PPP1R37: variants seen among roughly 807,000 people sequenced by gnomAD.
PPP1R37 encodes leucine rich repeat containing 68.
Under a neutral mutation model 61.0 loss-of-function variants are expected in PPP1R37, and 21 were observed. The ratio of observed to expected loss-of-function variants is 0.34; its 90% confidence interval spans 0.24 to 0.50. PPP1R37 has a LOEUF of 0.50. PPP1R37 is among the 20% of genes least tolerant of loss of function. The pLI, the probability that PPP1R37 is intolerant of heterozygous loss-of-function variation, is 0.98. For missense variants in PPP1R37, 910 were observed against 952.7 expected, an observed-to-expected ratio of 0.96 and a Z score of 0.59; for synonymous variants, 443 against 433.5, an observed-to-expected ratio of 1.02 and a Z score of -0.27.
At chr19:45,113,917 G>A (rs1165519387) in intron 1 of PPP1R37, among the ~76,000 whole-genome samples, 2 of 152,200 alleles carry the variant, frequency 1.3e-5, no homozygotes, top group Non-Finnish European at 2.9e-5. Flanking sequence ...CAGCAGGTGG[G>A]GTGGTGACTG....
intron 2 of PPP1R37, among the ~76,000 whole-genome samples, chr19:45,139,829 C>T (rs1311021900): frequency 6.6e-6 from 1 of 152,240 alleles, no homozygotes; most frequent in Non-Finnish European, 1.5e-5. Context: ...GGTGCTGGGC[C>T]CCAGGCCCTG....
intron 1 of PPP1R37, among the ~76,000 whole-genome samples, chr19:45,117,887 G>A (rs1968290954): frequency 6.6e-6 from 1 of 152,198 alleles, no homozygotes; most frequent in South Asian, 2.1e-4. Context: ...CAGCTGATGA[G>A]CCCGAGGCTG....
At chr19:45,104,391 G>C (rs1475049101) in intron 1 of PPP1R37, among the ~76,000 whole-genome samples, 1 of 152,182 alleles carries the variant, frequency 6.6e-6, no homozygotes, top group Non-Finnish European at 1.5e-5. Context: ...ACCCAGGCCG[G>C]GTGCCGCAAA....
In PPP1R37 at chr19:45,145,976, G is replaced by C. The variant is rs1305340687; in HGVS notation, c.1920G>C (p.Glu640Asp). 2 of 1,534,530 alleles carry C rather than the reference G, an allele frequency of 1.3e-6. No homozygotes were observed. Among genetic ancestry groups the C allele is most frequent in the Non-Finnish European group, 1.7e-6 (2 of 1,146,336 alleles). ...CACTGCCCAACGGCCTGAAGCCCGAGTTCGCCCTGGCACTGCCCCCTGAGC... is the reference window on the plus strand; with the variant it reads ...CACTGCCCAACGGCCTGAAGCCCGACTTCGCCCTGGCACTGCCCCCTGAGC... ...GPPLPNGLKP[E>D]FALALPPEPP... Residue 640 changes from glutamate (E) to aspartate (D), a missense_variant, in exon 11 of 13, where the codon GAG (glutamate) becomes GAC (aspartate). By Grantham distance (45) the Glu-to-Asp change is conservative. Coordinates refer to ENST00000221462, the MANE Select transcript of PPP1R37 (RefSeq NM_019121.2).
At chr19:45,095,365 G>T (rs1967979051) in intron 1 of PPP1R37, among the ~76,000 whole-genome samples, 1 of 148,694 alleles carries the variant, frequency 6.7e-6, no homozygotes, top group Admixed American at 6.6e-5. Context: ...TCGAACTCCC[G>T]ACCTCAGGTG....
intron 1 of PPP1R37, among the ~76,000 whole-genome samples, chr19:45,100,858 C>T (rs1038904022): frequency 6.6e-5 from 10 of 152,146 alleles, no homozygotes; most frequent in African/African-American, 2.4e-4. Flanking sequence ...TTGTGCTGCT[C>T]CTCTGTCCTC....
intron 11 of PPP1R37, 102 bp from the exon 12 acceptor site, chr19:45,146,288 G>A (rs1968699085): frequency 8.9e-7 from 1 of 1,120,350 alleles, no homozygotes; most frequent in African/African-American, 1.5e-5. Context: ...AGCGGTCTCT[G>A]GGCACTCTGC....
chr19:45,111,701 C>T (rs549344008), intron 1 of PPP1R37, among the ~76,000 whole-genome samples: 1 of 151,922 alleles, frequency 6.6e-6, no homozygotes, highest in East Asian at 1.9e-4. Context: ...TAACTCACCT[C>T]TGCCTGTGGG....
intron 1 of PPP1R37, among the ~76,000 whole-genome samples, chr19:45,102,427 C>G (rs751703683): frequency 6.6e-6 from 1 of 152,180 alleles, no homozygotes; most frequent in Admixed American, 6.5e-5. Flanking sequence ...GCCTCAGTGT[C>G]CCCATTTGTA....
chr19:45,141,556 T>TG, intron 5 of PPP1R37, 115 bp downstream of exon 5: 2 of 1,331,742 alleles, frequency 1.5e-6, no homozygotes, highest in Non-Finnish European at 2.0e-6. Flanking sequence ...TGTGGGCTGT[T>TG]GTGGGGATGC....
At chr19:45,141,208 G>C (rs1342394762) in intron 4 of PPP1R37, 114 bp from the exon 5 acceptor site, 1 of 1,212,248 alleles carries the variant, frequency 8.2e-7, no homozygotes, top group African/African-American at 1.5e-5. Flanking sequence ...CTCCCGTGTG[G>C]CTCTCTCCAG....
chr19:45,128,624 A>T, intron 1 of PPP1R37: 1 of 1,265,528 alleles, frequency 7.9e-7, no homozygotes, highest in East Asian at 2.6e-5. Flanking sequence ...CCTCCTTCCC[A>T]ATGCAGTGCT....
At chr19:45,120,073 AGTGGCGC>A (rs1968321765) in intron 1 of PPP1R37, among the ~76,000 whole-genome samples, 1 of 129,624 alleles carries the variant, frequency 7.7e-6, no homozygotes, top group Non-Finnish European at 1.5e-5. Context: ...GCTGGAGTGC[AGTGGCGC>A]GATCTCCGCT....
In PPP1R37 at chr19:45,121,981, C is replaced by T. The variant is rs560211531; in HGVS notation, c.203-16533C>T. Among the ~76,000 whole-genome samples the T allele has an allele frequency of 3.7e-4, 56 of 152,202 alleles. No individual in the cohort carries two copies. The highest frequency in any genetic ancestry group is 1.3e-3 in the African/African-American group (53 of 41,512). On this transcript the variant is annotated intron_variant, in intron 1 of 12. Transcript: ENST00000221462. The surrounding 1 kb of genome is among the most constrained non-coding windows in gnomAD (Gnocchi z 4.2). Reference sequence around the variant, plus strand: ...ACGTGTGGTTTTGCAGGGATAGAGACGTGCAGCAGCACATCCGCAGAGGTA... The same window carrying T: ...ACGTGTGGTTTTGCAGGGATAGAGATGTGCAGCAGCACATCCGCAGAGGTA...
At chr19:45,102,084 G>C (rs1968071747) in intron 1 of PPP1R37, among the ~76,000 whole-genome samples, 3 of 152,202 alleles carry the variant, frequency 2.0e-5, no homozygotes, top group Non-Finnish European at 2.9e-5. Context: ...ATGGGCTGTG[G>C]GAGGCGTGTG....
At position 45,145,538 on chromosome 19, in the gene PPP1R37, C is replaced by T. The variant is rs765098260; in HGVS notation, c.1482C>T (p.Asn494=). 87 of 1,534,520 alleles carry T rather than the reference C, an allele frequency of 5.7e-5. No individual in the cohort carries two copies. The highest frequency in any genetic ancestry group is 7.2e-5 in the Non-Finnish European group (82 of 1,146,292). The stretch of plus-strand genomic sequence containing the variant: ...ACGAGCCCGCCGCTGGGGTGCAGAA[C>T]GGGGCCCCCAGCCCCGCACCCAGCC... ...PDDEPAAGVQ[N]GAPSPAPSPD... is the part of the protein sequence containing the mutation. Residue 494 remains asparagine (N), a synonymous_variant, in exon 11 of 13, where the codon AAC becomes AAT. Transcript: ENST00000221462.
At chr19:45,141,489 C>A (rs756238995) in intron 5 of PPP1R37, 48 bp downstream of exon 5, 1 of 1,512,052 alleles carries the variant, frequency 6.6e-7, no homozygotes, top group Non-Finnish European at 8.8e-7. Flanking sequence ...GCTCCCAGCA[C>A]GGGGAGGCAC....
chr19:45,111,897 T>C (rs2122719972), intron 1 of PPP1R37, among the ~76,000 whole-genome samples: 1 of 152,310 alleles, frequency 6.6e-6, no homozygotes, highest in East Asian at 1.9e-4. Context: ...GCATGGTGTT[T>C]CGTTCTGCCT....
chr19:45,122,391 T>C (rs1445004558), intron 1 of PPP1R37, among the ~76,000 whole-genome samples: 1 of 152,214 alleles, frequency 6.6e-6, no homozygotes, highest in East Asian at 1.9e-4. Context: ...CCCACCTTCC[T>C]GTTCCTTCAG....
Sources: gnomAD v4.1 joint callset for allele counts (sites outside exome capture counted in the v4.1 genomes callset) on GRCh38, gnomAD v4.1.1 for gene constraint, Gnocchi (gnomAD v3.1) non-coding constraint, MANE v1.5 for transcripts, NCBI Gene and HGNC (gene_info 2026-07-23, HGNC 2026-07-21) for gene names.